BORCS5: variants seen among roughly 807,000 people sequenced by gnomAD.
BORCS5 encodes the protein BLOC-1 related complex subunit 5.
Under a neutral mutation model 22.1 loss-of-function variants are expected in BORCS5, and 17 were observed. That is an observed-to-expected ratio of 0.77 (90% CI 0.53 to 1.15). The LOEUF (loss-of-function observed/expected upper bound fraction) is 1.15. Among genes scored for constraint, BORCS5 ranks in the 50% most tolerant of loss-of-function variants. The pLI is 0.00. For synonymous variants in BORCS5, 117 were observed against 99.8 expected, an observed-to-expected ratio of 1.17 and a Z score of -1.03; for missense variants, 247 against 253.2, an observed-to-expected ratio of 0.98 and a Z score of 0.17.
chr12:12,412,255 G>A (rs1034217083), intron 2 of BORCS5, among the ~76,000 whole-genome samples: 1 of 152,082 alleles, frequency 6.6e-6, no homozygotes, highest in Admixed American at 6.6e-5. Flanking sequence ...TGACTATGGG[G>A]TGTCTTAACA....
chr12:12,454,603 T>A (rs1329775711), intron 3 of BORCS5, among the ~76,000 whole-genome samples: 1 of 152,236 alleles, frequency 6.6e-6, no homozygotes, highest in African/African-American at 2.4e-5. Flanking sequence ...CAGAAACATC[T>A]GAGAAGGGTG....
At chr12:12,449,031 G>T (rs982314813) in intron 3 of BORCS5, among the ~76,000 whole-genome samples, 3 of 152,188 alleles carry the variant, frequency 2.0e-5, no homozygotes, top group Non-Finnish European at 4.4e-5. Context: ...TCTTGAAGTG[G>T]CAACTCCGCC....
intron 2 of BORCS5, among the ~76,000 whole-genome samples, chr12:12,364,473 C>T (rs577720710): frequency 2.0e-5 from 3 of 152,072 alleles, no homozygotes; most frequent in East Asian, 1.9e-4. Context: ...TTGAGTAGGC[C>T]GAGAAGGAGG....
intron 3 of BORCS5, among the ~76,000 whole-genome samples, chr12:12,443,781 T>A (rs1942730901): frequency 6.6e-6 from 1 of 152,250 alleles, no homozygotes; most frequent in African/African-American, 2.4e-5. Context: ...CCAGTTTGCC[T>A]GCCCTAGACA....
At chr12:12,421,667 A>T (rs1189588568) in intron 2 of BORCS5, among the ~76,000 whole-genome samples, 1 of 152,166 alleles carries the variant, frequency 6.6e-6, no homozygotes, top group Middle Eastern at 3.2e-3. Context: ...TTTGGCTGTG[A>T]ATCCTTCTGG....
rs1172960816 is a variant in BORCS5, at chr12:12,471,223, T to A, written c.*5447T>A. On this transcript the variant is annotated 3_prime_UTR_variant, in exon 4 of 4. Coordinates refer to ENST00000314565, the MANE Select transcript of BORCS5 (RefSeq NM_058169.6). Reference sequence around the variant, plus strand: ...TGCAAATAAAGTACAACAATATGACTGACTTGTAAATATCTTCCAGGACAA... The same window carrying A: ...TGCAAATAAAGTACAACAATATGACAGACTTGTAAATATCTTCCAGGACAA... Among the ~76,000 whole-genome samples, 1 of 152,218 alleles carries A rather than the reference T, an allele frequency of 6.6e-6. No homozygotes were observed.
Position 12,469,534 on chromosome 12 carries a change from G to C in BORCS5, c.*3758G>C, listed in dbSNP as rs1456303860. On this transcript the variant is annotated 3_prime_UTR_variant, in exon 4 of 4. Transcript: ENST00000314565. ...GGTATTACAAACTCGGTTTTACAAGGTTACATAAACTAATGGCCCTGGGGC... is the reference window on the plus strand; with the variant it reads ...GGTATTACAAACTCGGTTTTACAAGCTTACATAAACTAATGGCCCTGGGGC... 6.6e-6 allele frequency: 1 copy of C among 152,246 alleles called. No individual in the cohort carries two copies. Among genetic ancestry groups the C allele is most frequent in the Non-Finnish European group, 1.5e-5 (1 of 68,054 alleles). 9.4% of individuals were successfully genotyped at this position (152,246 alleles called of 1,614,324 possible). A position where few individuals can be genotyped will look rare whatever the true frequency, so the allele number is the denominator to read the frequency against.
chr12:12,441,107 A>G (rs1041695215), intron 3 of BORCS5, among the ~76,000 whole-genome samples: 1 of 152,108 alleles, frequency 6.6e-6, no homozygotes, highest in African/African-American at 2.4e-5. Flanking sequence ...AACAGGGAGG[A>G]CGCAGGCAAG....
intron 2 of BORCS5, among the ~76,000 whole-genome samples, chr12:12,419,247 A>C (rs1942052500): frequency 6.6e-6 from 1 of 152,148 alleles, no homozygotes; most frequent in Non-Finnish European, 1.5e-5. Context: ...CCCTGTGTCC[A>C]AGTGATCTCA....
At chr12:12,404,684 C>T (rs1340478992) in intron 2 of BORCS5, among the ~76,000 whole-genome samples, 1 of 152,144 alleles carries the variant, frequency 6.6e-6, no homozygotes, top group African/African-American at 2.4e-5. Context: ...TGGAGAACTA[C>T]TTTTTTGTTT....
Position 12,357,163 on chromosome 12 carries a change from C to T in BORCS5, c.-289C>T, listed in dbSNP as rs10772552. ...CCCGCCGGCCGCAGGTGCGGCAAAGCCAGTGTCATCTGCCGGTTCTCTTAG... is the reference window on the plus strand; with the variant it reads ...CCCGCCGGCCGCAGGTGCGGCAAAGTCAGTGTCATCTGCCGGTTCTCTTAG... On this transcript the variant is annotated 5_prime_UTR_variant, in exon 1 of 4. Transcript: ENST00000314565. 0.52 allele frequency: 789,364 copies of T among 1,531,242 alleles called. 211,360 individuals carry two copies. The highest frequency in any genetic ancestry group is 0.6 in the South Asian group (50,030 of 83,766). 94.9% of individuals were successfully genotyped at this position (1,531,242 alleles called of 1,614,324 possible).
intron 2 of BORCS5, among the ~76,000 whole-genome samples, chr12:12,424,250 T>C (rs1247122724): frequency 6.6e-6 from 1 of 151,058 alleles, no homozygotes; most frequent in East Asian, 1.9e-4. Flanking sequence ...TTCTTTCTGT[T>C]CCTCAGACTA....
At chr12:12,416,857 C>T (rs1468050366) in intron 2 of BORCS5, among the ~76,000 whole-genome samples, 2 of 149,282 alleles carry the variant, frequency 1.3e-5, no homozygotes, top group Admixed American at 6.8e-5. Flanking sequence ...TCTCAGCTCA[C>T]TGCAGCCTCT....
rs73285542 is a variant in BORCS5, at chr12:12,412,340, T to G, written c.203-23288T>G. Among the ~76,000 whole-genome samples, 546 of 152,298 alleles carry G rather than the reference T, an allele frequency of 3.6e-3. 5 individuals carry two copies. Among genetic ancestry groups the G allele is most frequent in the African/African-American group, 0.012 (509 of 41,568 alleles). On this transcript the variant is annotated intron_variant, in intron 2 of 3. Transcript: ENST00000314565. Reference sequence around the variant, plus strand: ...TTATTGTACAAGTCTTTCATCTCCTTGGTTAAGTTTATTCCTAAGTGTTTT... The same window carrying G: ...TTATTGTACAAGTCTTTCATCTCCTGGGTTAAGTTTATTCCTAAGTGTTTT...
intron 3 of BORCS5, among the ~76,000 whole-genome samples, chr12:12,456,158 G>GC (rs1942995143): frequency 6.6e-6 from 1 of 152,202 alleles, no homozygotes; most frequent in South Asian, 2.1e-4. Context: ...GTGAGGCCAG[G>GC]TGTGGTAGAT....
intron 1 of BORCS5, among the ~76,000 whole-genome samples, chr12:12,359,521 C>T (rs1863227708): frequency 6.6e-6 from 1 of 151,982 alleles, no homozygotes; most frequent in Non-Finnish European, 1.5e-5. Context: ...GCCACCACGC[C>T]TGGATAATTT....
chr12:12,384,854 G>T (rs1033374953), intron 2 of BORCS5, among the ~76,000 whole-genome samples: 5 of 151,126 alleles, frequency 3.3e-5, no homozygotes. Flanking sequence ...AGCAGCTGGG[G>T]GCCGTCTGGG....
At chr12:12,384,528 A>G (rs558835228) in intron 2 of BORCS5, among the ~76,000 whole-genome samples, 1 of 150,184 alleles carries the variant, frequency 6.7e-6, no homozygotes, top group South Asian at 2.1e-4. Context: ...TTTTTTGTTA[A>G]GAACTGGGCA....
At chr12:12,439,199 C>T (rs562901090) in intron 3 of BORCS5, among the ~76,000 whole-genome samples, 23 of 152,146 alleles carry the variant, frequency 1.5e-4, no homozygotes, top group Non-Finnish European at 3.1e-4. Context: ...CACTCCGAAC[C>T]GATTAGATCA....
Sources: gnomAD v4.1 joint callset for allele counts (sites outside exome capture counted in the v4.1 genomes callset) on GRCh38, gnomAD v4.1.1 for gene constraint, MANE v1.5 for transcripts, NCBI Gene and HGNC (gene_info 2026-07-23, HGNC 2026-07-21) for gene names.